The following SMYD3 variants were observed in gnomAD, a reference collection of about 807,000 sequenced individuals.
SMYD3 encodes histone-lysine N-methyltransferase SMYD3.
Under a neutral mutation model 57.7 loss-of-function variants are expected in SMYD3, and 36 were observed. The observed-to-expected ratio is 0.62, with a 90% CI of 0.48 to 0.82. The LOEUF is 0.82. Ranked by LOEUF, SMYD3 falls within the 40% of genes least tolerant of loss-of-function variation. The pLI is 0.00. For missense variants in SMYD3, 515 were observed against 538.8 expected (o/e 0.96, Z 0.44); for synonymous variants, 211 against 195.0 (o/e 1.08, Z -0.68).
Position 246,143,546 on chromosome 1 carries a change from C to T in SMYD3, c.531+183655G>A, listed in dbSNP as rs533248064. Among the ~76,000 whole-genome samples, 205 of 152,124 alleles carry T rather than the reference C, an allele frequency of 1.3e-3. 1 individual carries two copies. Among genetic ancestry groups the T allele is most frequent in the Middle Eastern group, 6.8e-3 (2 of 294 alleles). On this transcript the variant is annotated intron_variant, in intron 5 of 11. Coordinates refer to ENST00000490107, the MANE Select transcript of SMYD3 (RefSeq NM_001167740.2). Reference sequence around the variant, plus strand: ...AGCCGGCTATAGAGGCATGTGGCTACGGTCCCAGCTACTTGGGAGGCTGAG... The same window carrying T: ...AGCCGGCTATAGAGGCATGTGGCTATGGTCCCAGCTACTTGGGAGGCTGAG...
chr1:245,941,880 G>A (rs1238468783), intron 5 of SMYD3, among the ~76,000 whole-genome samples: 1 of 152,098 alleles, frequency 6.6e-6, no homozygotes, highest in Non-Finnish European at 1.5e-5. Flanking sequence ...GCCATACTAG[G>A]CTTTATAAGT....
chr1:246,030,255 T>C (rs1572914056), intron 5 of SMYD3, among the ~76,000 whole-genome samples: 1 of 152,304 alleles, frequency 6.6e-6, no homozygotes, highest in East Asian at 1.9e-4. Context: ...AATGGAATCC[T>C]GTCATTTGCA....
chr1:246,331,979 T>C (rs1406229243), intron 3 of SMYD3, among the ~76,000 whole-genome samples: 2 of 151,972 alleles, frequency 1.3e-5, no homozygotes, highest in African/African-American at 4.8e-5. Flanking sequence ...ACCGGCTTAT[T>C]CCCACTGCCT....
intron 5 of SMYD3, among the ~76,000 whole-genome samples, chr1:246,244,623 T>C (rs2489737): frequency 0.059 from 9,018 of 152,250 alleles, 434 homozygotes; most frequent in African/African-American, 0.12. Flanking sequence ...CAGTCTGTTA[T>C]GGCAGATATA....
At chr1:246,031,610 G>A (rs1016642066) in intron 5 of SMYD3, among the ~76,000 whole-genome samples, 5 of 152,080 alleles carry the variant, frequency 3.3e-5, no homozygotes, top group South Asian at 4.2e-4. Flanking sequence ...GGTGGCGGGC[G>A]CCTGTAGTCC....
In SMYD3 at chr1:246,314,838, C is replaced by G. The variant is rs116818206; in HGVS notation, c.531+12363G>C. Among the ~76,000 whole-genome samples the G allele has an allele frequency of 6.8e-3, 1,043 of 152,308 alleles. 13 individuals carry two copies. Among genetic ancestry groups the G allele is most frequent in the African/African-American group, 0.024 (980 of 41,566 alleles). On this transcript the variant is annotated intron_variant, in intron 5 of 11. Coordinates refer to ENST00000490107, the MANE Select transcript of SMYD3 (RefSeq NM_001167740.2). ...ATCTAGTTTCAAATGTCGAACGATA[C>G]TATTCTGTAACTTATTTTTAATTTT...
intron 5 of SMYD3, among the ~76,000 whole-genome samples, chr1:245,995,466 CGTGTTTG>C (rs1245218653): frequency 6.6e-6 from 1 of 152,196 alleles, no homozygotes; most frequent in Non-Finnish European, 1.5e-5. Flanking sequence ...TTTATGCCAA[CGTGTTTG>C]GTAAATATTT....
chr1:246,076,416 A>G (rs899979980), intron 5 of SMYD3, among the ~76,000 whole-genome samples: 1 of 152,208 alleles, frequency 6.6e-6, no homozygotes, highest in Non-Finnish European at 1.5e-5. Flanking sequence ...GTGCTGAGTT[A>G]GGTTTCAGTG....
intron 5 of SMYD3, among the ~76,000 whole-genome samples, chr1:246,147,004 T>C (rs563721683): frequency 6.6e-6 from 1 of 152,240 alleles, no homozygotes; most frequent in African/African-American, 2.4e-5. Context: ...CGTGACAGTG[T>C]TCGGCAGAGG....
intron 1 of SMYD3, among the ~76,000 whole-genome samples, chr1:246,484,046 A>G (rs112237380): frequency 1.3e-4 from 17 of 128,266 alleles, no homozygotes; most frequent in Admixed American, 5.5e-4. Flanking sequence ...ACCTAAAAAC[A>G]CATCACTTCA....
At chr1:245,840,839 T>C (rs2050366705) in intron 10 of SMYD3, among the ~76,000 whole-genome samples, 1 of 152,136 alleles carries the variant, frequency 6.6e-6, no homozygotes, top group African/African-American at 2.4e-5. Context: ...CTGCTTTTTA[T>C]TTTAAAAATG....
intron 1 of SMYD3, among the ~76,000 whole-genome samples, chr1:246,424,847 T>C (rs953345498): frequency 2.6e-5 from 4 of 152,208 alleles, no homozygotes; most frequent in Non-Finnish European, 5.9e-5. Flanking sequence ...ATGTTTATCT[T>C]ATATATGCTA....
intron 2 of SMYD3, among the ~76,000 whole-genome samples, chr1:246,350,237 T>C (rs532001390): frequency 6.6e-6 from 1 of 152,326 alleles, no homozygotes; most frequent in African/African-American, 2.4e-5. Flanking sequence ...TCATGGGCAT[T>C]TGTCACTGTC....
chr1:245,848,070 C>T (rs1026373383), intron 10 of SMYD3, among the ~76,000 whole-genome samples: 5 of 151,452 alleles, frequency 3.3e-5, no homozygotes, highest in African/African-American at 1.2e-4. Context: ...GTTGTTTATA[C>T]TGAAAGTCAG....
chr1:245,943,958 A>G (rs1193696095), intron 5 of SMYD3, among the ~76,000 whole-genome samples: 1 of 152,220 alleles, frequency 6.6e-6, no homozygotes, highest in African/African-American at 2.4e-5. Flanking sequence ...AAAAACCCTC[A>G]ATAAACTAGG....
intron 5 of SMYD3, among the ~76,000 whole-genome samples, chr1:246,162,965 T>C (rs1442240601): frequency 6.6e-6 from 1 of 152,234 alleles, no homozygotes; most frequent in Non-Finnish European, 1.5e-5. Flanking sequence ...AGCTAGCTCT[T>C]GCACATTTAA....
At chr1:246,481,066 C>T (rs1216726324) in intron 1 of SMYD3, among the ~76,000 whole-genome samples, 1 of 152,164 alleles carries the variant, frequency 6.6e-6, no homozygotes, top group East Asian at 1.9e-4. Context: ...TCCCAAAGTG[C>T]TGGGATTACA....
chr1:245,768,226 A>T (rs2046196818), intron 10 of SMYD3, among the ~76,000 whole-genome samples: 1 of 152,188 alleles, frequency 6.6e-6, no homozygotes, highest in Admixed American at 6.5e-5. Context: ...TTGGAAAAAA[A>T]TGTTTTTGGT....
Position 246,270,791 on chromosome 1 carries a change from A to G in SMYD3, c.531+56410T>C, listed in dbSNP as rs114295849. Among the ~76,000 whole-genome samples the G allele has an allele frequency of 2.4e-3, 359 of 152,338 alleles. 1 individual carries two copies. Among genetic ancestry groups the G allele is most frequent in the Non-Finnish European group, 2.8e-3 (193 of 68,036 alleles). On this transcript the variant is annotated intron_variant, in intron 5 of 11. Coordinates refer to ENST00000490107, the MANE Select transcript of SMYD3 (RefSeq NM_001167740.2). ...CTGCTATGAACACTGGCATACAAAC[A>G]TCTCTTTGAGATCCTGCTTTCAATT...
Sources: gnomAD v4.1 joint callset for allele counts (sites outside exome capture counted in the v4.1 genomes callset) on GRCh38, gnomAD v4.1.1 for gene constraint, MANE v1.5 for transcripts, NCBI Gene and HGNC (gene_info 2026-07-23, HGNC 2026-07-21) for gene names.